AVEN: variants seen among roughly 807,000 people sequenced by gnomAD.
AVEN encodes apoptosis and caspase activation inhibitor.
In AVEN, 41 loss-of-function variants were observed where a neutral mutation model predicts 38.1. The ratio of observed to expected loss-of-function variants is 1.08; its 90% CI spans 0.84 to 1.40. The LOEUF (loss-of-function observed/expected upper bound fraction) is 1.40. Ranked by LOEUF, AVEN falls within the 40% of genes most tolerant of loss-of-function variation. The pLI, the probability that AVEN is intolerant of heterozygous loss-of-function variation, is 0.00. For synonymous variants in AVEN, 206 were observed against 171.8 expected (o/e 1.20, Z -1.56); for missense variants, 605 against 438.8 (o/e 1.38, Z -3.38).
downstream of AVEN, chr15:33,857,850 G>T: frequency 6.2e-7 from 1 of 1,614,102 alleles, no homozygotes; most frequent in Non-Finnish European, 8.5e-7. Flanking sequence ...AACTTCTTCC[G>T]CAAGTTCTAC....
chr15:33,990,243 G>A (rs1169449890), intron 2 of AVEN, among the ~76,000 whole-genome samples: 4 of 151,952 alleles, frequency 2.6e-5, no homozygotes, highest in East Asian at 3.9e-4. Context: ...TTAGCCAGGC[G>A]TTGAGGTGCG....
At chr15:34,033,715 T>C (rs181150597) in intron 1 of AVEN, among the ~76,000 whole-genome samples, 319 of 152,216 alleles carry the variant, frequency 2.1e-3, no homozygotes, top group Admixed American at 4.3e-3. Flanking sequence ...CTGTGGGAGA[T>C]GGGGAATTAA....
chr15:34,058,369 C>T (rs1900228073), intron 5 of AVEN, among the ~76,000 whole-genome samples: 1 of 152,140 alleles, frequency 6.6e-6, no homozygotes, highest in South Asian at 2.1e-4. Flanking sequence ...AGCTCTTGAA[C>T]TAGGCTCCAA....
intron 2 of AVEN, among the ~76,000 whole-genome samples, chr15:33,957,532 G>T (rs1205355582): frequency 6.6e-6 from 1 of 152,036 alleles, no homozygotes; most frequent in African/African-American, 2.4e-5. Context: ...ACCACAAAAA[G>T]ACTTGTATAT....
intron 3 of AVEN, among the ~76,000 whole-genome samples, chr15:33,872,888 C>T (rs1018496660): frequency 5.3e-5 from 8 of 151,894 alleles, no homozygotes; most frequent in African/African-American, 1.9e-4. Flanking sequence ...TCATGGAGGC[C>T]AACATAGCTA....
intron 2 of AVEN, among the ~76,000 whole-genome samples, chr15:33,920,965 G>A (rs534454985): frequency 3.3e-5 from 5 of 152,136 alleles, no homozygotes; most frequent in African/African-American, 7.2e-5. Flanking sequence ...TGGTAGAGAC[G>A]GGTTTCCACC....
At chr15:33,854,383 C>G (rs2079425466), downstream of AVEN, 1 of 1,565,686 alleles carries the variant, frequency 6.4e-7, no homozygotes, top group Admixed American at 1.9e-5. Flanking sequence ...ACTTGTTCTT[C>G]TCTAGGCTAA....
At chr15:33,948,879 G>A (rs1280281115) in intron 2 of AVEN, among the ~76,000 whole-genome samples, 1 of 151,924 alleles carries the variant, frequency 6.6e-6, no homozygotes, top group African/African-American at 2.4e-5. Flanking sequence ...CATCATGATG[G>A]CCAGGCTGGT....
At chr15:34,071,869 A>G (rs1272780555) in intron 1 of AVEN, among the ~76,000 whole-genome samples, 2 of 152,236 alleles carry the variant, frequency 1.3e-5, no homozygotes, top group Non-Finnish European at 2.9e-5. Context: ...GATAGGACTT[A>G]TCAATAAGAG....
At chr15:33,867,943 C>T in intron 4 of AVEN, 88 bp from the exon 5 acceptor site, 1 of 1,470,932 alleles carries the variant, frequency 6.8e-7, no homozygotes, top group Non-Finnish European at 9.0e-7. Flanking sequence ...ACGAAGCCAT[C>T]AAACTTTGTG....
intron 2 of AVEN, among the ~76,000 whole-genome samples, chr15:33,983,183 C>T (rs528915218): frequency 3.1e-5 from 3 of 96,884 alleles, no homozygotes; most frequent in Admixed American, 1.1e-4. Flanking sequence ...TATATACACA[C>T]GTGTGTGTAT....
intron 1 of AVEN, 76 bp downstream of exon 1, chr15:34,038,704 G>T: frequency 9.1e-7 from 1 of 1,103,188 alleles, no homozygotes; most frequent in Non-Finnish European, 1.1e-6. Flanking sequence ...GCTCTCTTGC[G>T]GCTCTTGACT....
intron 2 of AVEN, among the ~76,000 whole-genome samples, chr15:33,884,386 T>A (rs898517692): frequency 6.6e-6 from 1 of 152,228 alleles, no homozygotes; most frequent in Non-Finnish European, 1.5e-5. Context: ...CCTAAAATTA[T>A]GCCTATAGTA....
At position 34,044,332 on chromosome 15, in the gene AVEN, G is replaced by A. The variant is rs142223443; in HGVS notation, n.1637+18590C>T. Among the ~76,000 whole-genome samples the A allele has an allele frequency of 2.7e-3, 413 of 152,200 alleles. 2 individuals carry two copies. The highest frequency in any genetic ancestry group is 9.5e-3 in the African/African-American group (396 of 41,554). On this transcript the variant is annotated intron_variant and non_coding_transcript_variant, in intron 5 of 11. Transcript: ENST00000675287. ...AACTAAATCCAATGGTCAGGTCACT[G>A]GCCTAATCTTACTTGGTTTATCAGT...
chr15:33,956,670 G>C (rs538640435), intron 2 of AVEN, among the ~76,000 whole-genome samples: 3 of 152,222 alleles, frequency 2.0e-5, no homozygotes, highest in Non-Finnish European at 2.9e-5. Flanking sequence ...GTCACTTTTA[G>C]ATAATCAGAT....
At chr15:33,994,571 G>T (rs1386267173) in intron 2 of AVEN, among the ~76,000 whole-genome samples, 1 of 152,134 alleles carries the variant, frequency 6.6e-6, no homozygotes, top group East Asian at 1.9e-4. Context: ...AAAAGGTTGG[G>T]GACCTCTGCT....
In AVEN at chr15:33,901,090, C is replaced by T. The variant is rs1892479672; in HGVS notation, c.446-25095G>A. ...GACCATCCTGGCTAACATGGTGAAA[C>T]CCCGTCTCTACTAAAAATACAAAAA... On this transcript the variant is annotated intron_variant, in intron 2 of 5. Coordinates refer to ENST00000306730, the MANE Select transcript of AVEN (RefSeq NM_020371.3). 2.0e-5 allele frequency among the ~76,000 whole-genome samples: 3 copies of T among 152,114 alleles called. No individual in the cohort carries two copies. The South Asian group carries it at 6.2e-4, about 32-fold the overall frequency.
chr15:33,902,084 A>G (rs1180740150), intron 2 of AVEN, among the ~76,000 whole-genome samples: 1 of 152,154 alleles, frequency 6.6e-6, no homozygotes, highest in African/African-American at 2.4e-5. Context: ...TTTAGGTGTG[A>G]TCCAAAAAGT....
At position 34,038,848 on chromosome 15, in the gene AVEN, C is replaced by T; in HGVS notation, c.199G>A (p.Gly67Arg). 5.1e-6 allele frequency: 6 copies of T among 1,171,388 alleles called. No individual in the cohort carries two copies. Among genetic ancestry groups the T allele is most frequent in the Non-Finnish European group, 6.3e-6 (6 of 951,680 alleles). The allele number at this position is 1,171,388 out of a possible 1,614,324, so 72.6% of individuals were successfully genotyped here. A position where few individuals can be genotyped will look rare whatever the true frequency, so the allele number is the denominator to read the frequency against. ...RGFRGARGGR[G>R]GGGAPRGSRR... ...CTGCCTCGCGGGGCGCCTCCTCCTC[C>T]TCGGCCTCCGCGAGCGCCGCGGAAG... Residue 67 changes from glycine to arginine, a missense_variant, in exon 1 of 6, where the codon GGA becomes AGA. Transcript: ENST00000306730.
Sources: gnomAD v4.1 joint callset for allele counts (sites outside exome capture counted in the v4.1 genomes callset) on GRCh38, gnomAD v4.1.1 for gene constraint, MANE v1.5 for transcripts, NCBI Gene and HGNC (gene_info 2026-07-23, HGNC 2026-07-21) for gene names.